The following RNMT variants were observed in gnomAD, a reference collection of about 807,000 sequenced individuals.
The protein encoded by RNMT is RNA guanine-7 methyltransferase, also known as mRNA cap guanine-N(7) methyltransferase.
A neutral mutation model predicts 56.0 loss-of-function variants in RNMT; 27 were observed. The ratio of observed to expected loss-of-function variants is 0.48; its 90% CI spans 0.36 to 0.67. The LOEUF is 0.67. Among genes scored for constraint, RNMT ranks in the 30% least tolerant of loss-of-function variants. RNMT has a pLI of 0.00. For synonymous variants in RNMT, 184 were observed against 176.2 expected (o/e 1.04, Z -0.35); for missense variants, 519 against 552.1 (o/e 0.94, Z 0.60).
chr18:13,752,671 G>A (rs2044469636), intron 10 of RNMT, among the ~76,000 whole-genome samples: 2 of 152,180 alleles, frequency 1.3e-5, no homozygotes, highest in African/African-American at 4.8e-5. Flanking sequence ...TACAGGGTTG[G>A]TGTGCAAGTT....
Position 13,760,457 on chromosome 18 carries a change from T to C in RNMT, c.*478T>C, listed in dbSNP as rs2044605898. On this transcript the variant is annotated 3_prime_UTR_variant, in exon 12 of 12. Transcript: ENST00000383314. Reference sequence around the variant, plus strand: ...CAGTTGAATGTAAGTGTTCAATATGTATTGCTGAAGTTATAAGTTTAAAAC... The same window carrying C: ...CAGTTGAATGTAAGTGTTCAATATGCATTGCTGAAGTTATAAGTTTAAAAC... 1 of 985,574 alleles carries C rather than the reference T, an allele frequency of 1.0e-6. No homozygotes were observed. Among genetic ancestry groups the C allele is most frequent in the Non-Finnish European group, 1.2e-6 (1 of 829,738 alleles). The allele number at this position is 985,574 out of a possible 1,614,324, so 61.1% of individuals were successfully genotyped here. A position where few individuals can be genotyped will look rare whatever the true frequency, so the allele number is the denominator to read the frequency against.
rs201093998 is a variant in RNMT, at chr18:13,744,159, CTT to C, written c.1139+1532_1139+1533del. Among the ~76,000 whole-genome samples, 797 of 91,240 alleles carry C rather than the reference CTT, an allele frequency of 8.7e-3. 2 individuals carry two copies. The highest frequency in any genetic ancestry group is 0.035 in the African/African-American group (651 of 18,798). 59.9% of individuals were successfully genotyped at this position (91,240 alleles called of 152,430 possible). On this transcript the variant is annotated intron_variant, in intron 8 of 11. Transcript: ENST00000383314. ...ATGCTAAACAAGACCTAGCGGTCTTCTTTTTTTTTTTTTTTTTTTTTTTTTTG... is the reference window on the plus strand; with the variant it reads ...ATGCTAAACAAGACCTAGCGGTCTTCTTTTTTTTTTTTTTTTTTTTTTTTG...
intron 9 of RNMT, among the ~76,000 whole-genome samples, chr18:13,747,346 G>A (rs2044369299): frequency 6.6e-6 from 1 of 151,782 alleles, no homozygotes; most frequent in Admixed American, 6.6e-5. Flanking sequence ...AGCCTCCTGA[G>A]TAACTGACTA....
At position 13,764,018 on chromosome 18, in the gene RNMT, CCTT is replaced by C. The variant is rs2044650024; in HGVS notation, c.*4043_*4045del. On this transcript the variant is annotated 3_prime_UTR_variant, in exon 12 of 12. Transcript: ENST00000383314. ...ACTTGAATTTCAGTTTGGTAGACCA[CCTT>C]CTTTAGCAGCCCAACCTGTAGCAAA... 1 of 152,318 alleles carries C rather than the reference CCTT, an allele frequency of 6.6e-6. No individual in the cohort carries two copies. Among genetic ancestry groups the C allele is most frequent in the African/African-American group, 2.4e-5 (1 of 41,552 alleles). The allele number at this position is 152,318 out of a possible 1,614,324, so 9.4% of individuals were successfully genotyped here.
chr18:13,746,754 G>C (rs1425743552), intron 9 of RNMT, among the ~76,000 whole-genome samples: 1 of 152,142 alleles, frequency 6.6e-6, no homozygotes, highest in Non-Finnish European at 1.5e-5. Context: ...AATGTCCCCT[G>C]GTGGACAAAA....
intron 5 of RNMT, among the ~76,000 whole-genome samples, 165 bp from the exon 6 acceptor site, chr18:13,740,002 G>C (rs1045874922): frequency 6.6e-6 from 1 of 152,126 alleles, no homozygotes; most frequent in Non-Finnish European, 1.5e-5. Context: ...AAAACTGATA[G>C]GGTATTTGCG....
chr18:13,745,749 A>C (rs1234768487), intron 8 of RNMT, among the ~76,000 whole-genome samples: 2 of 151,106 alleles, frequency 1.3e-5, no homozygotes, highest in Non-Finnish European at 3.0e-5. Flanking sequence ...GTAAAAAAAA[A>C]CCTGTAAGTG....
intron 11 of RNMT, among the ~76,000 whole-genome samples, chr18:13,755,324 T>C (rs1237132264): frequency 1.3e-5 from 2 of 152,232 alleles, no homozygotes; most frequent in Non-Finnish European, 2.9e-5. Flanking sequence ...AATATTGATA[T>C]TACTGAGTGT....
At chr18:13,757,579 C>G (rs2044564488) in intron 11 of RNMT, among the ~76,000 whole-genome samples, 1 of 152,200 alleles carries the variant, frequency 6.6e-6, no homozygotes, top group Admixed American at 6.5e-5. Context: ...TGCAGCAATT[C>G]AGTCACATCT....
rs777475193 is a variant in RNMT at position 13,754,163 on chromosome 18, G to A, written c.1393+16G>A. ...GAAGCTACAAGTGAGTATATCATCA[G>A]CATAGATTAACTGATAATTTCAAAA... On this transcript the variant is annotated intron_variant, in intron 11 of 11. Coordinates refer to ENST00000383314, the MANE Select transcript of RNMT (RefSeq NM_003799.3). 11 of 1,526,242 alleles carry A rather than the reference G, an allele frequency of 7.2e-6. No individual in the cohort carries two copies. Among genetic ancestry groups the A allele is most frequent in the Non-Finnish European group, 9.1e-6 (10 of 1,104,854 alleles). 94.5% of individuals were successfully genotyped at this position (1,526,242 alleles called of 1,614,324 possible).
At chr18:13,751,062 C>T (rs1050801510) in intron 9 of RNMT, among the ~76,000 whole-genome samples, 5 of 152,240 alleles carry the variant, frequency 3.3e-5, no homozygotes, top group African/African-American at 9.6e-5. Flanking sequence ...TGGGCAAAGA[C>T]TTCATGACTA....
chr18:13,729,168 G>C (rs568199624), intron 1 of RNMT, among the ~76,000 whole-genome samples: 245 of 152,332 alleles, frequency 1.6e-3, no homozygotes, highest in African/African-American at 5.2e-3. Flanking sequence ...GAGTGGTCTA[G>C]ATTTCCCAGC....
intron 9 of RNMT, among the ~76,000 whole-genome samples, chr18:13,748,934 C>T (rs192810904): frequency 2.6e-4 from 40 of 152,156 alleles, no homozygotes; most frequent in African/African-American, 9.4e-4. Flanking sequence ...ACAAAATTAG[C>T]CAGGTGTGGT....
intron 8 of RNMT, among the ~76,000 whole-genome samples, chr18:13,745,648 A>T (rs2044337821): frequency 6.6e-6 from 1 of 152,214 alleles, no homozygotes; most frequent in East Asian, 1.9e-4. Flanking sequence ...TCCATGAGTG[A>T]TGAGAGACAG....
chr18:13,741,759 G>A, intron 7 of RNMT, 68 bp downstream of exon 7: 2 of 1,004,986 alleles, frequency 2.0e-6, no homozygotes, highest in Non-Finnish European at 2.9e-6. Context: ...TTTATCAGAG[G>A]TAGATTTTAT....
Position 13,731,596 on chromosome 18 carries a change from G to A in RNMT, c.79G>A (p.Glu27Lys). 1 of 1,613,776 alleles carries A rather than the reference G, an allele frequency of 6.2e-7. No homozygotes were observed. Among genetic ancestry groups the A allele is most frequent in the Non-Finnish European group, 8.5e-7 (1 of 1,179,896 alleles). ...AAAAGCGTCAGTGAATTCTGAAACA[G>A]AGTCTTCATTCAATATTAATGAAAA... The part of the protein sequence containing the change: ...QAKASVNSET[E>K]SSFNINENTT... The change falls in exon 3 of 12, where the codon GAG becomes AAG. Residue 27 changes from glutamate to lysine, a missense_variant. Physicochemically the swap from Glu to Lys is moderately conservative, Grantham distance 56. Coordinates refer to ENST00000383314, the MANE Select transcript of RNMT (RefSeq NM_003799.3).
chr18:13,755,469 C>T (rs868813181), intron 11 of RNMT, among the ~76,000 whole-genome samples: 1 of 152,196 alleles, frequency 6.6e-6, no homozygotes, highest in African/African-American at 2.4e-5. Context: ...AACAACTTAG[C>T]TAAGATCACA....
chr18:13,734,753 AATT>A (rs2044131208), intron 4 of RNMT, among the ~76,000 whole-genome samples, 154 bp downstream of exon 4: 1 of 152,186 alleles, frequency 6.6e-6, no homozygotes, highest in African/African-American at 2.4e-5. Flanking sequence ...ATGAGTGTTT[AATT>A]ATTATGTTAA....
chr18:13,727,528 G>T (rs1054197272), intron 1 of RNMT, among the ~76,000 whole-genome samples: 31 of 152,146 alleles, frequency 2.0e-4, no homozygotes, highest in Non-Finnish European at 2.9e-5. Flanking sequence ...TTTGATACAT[G>T]CATACAATGT....
Sources: gnomAD v4.1 joint callset for allele counts (sites outside exome capture counted in the v4.1 genomes callset) on GRCh38, gnomAD v4.1.1 for gene constraint, MANE v1.5 for transcripts, NCBI Gene and HGNC (gene_info 2026-07-23, HGNC 2026-07-21) for gene names.